ANKS1B: variants seen among roughly 807,000 people sequenced by gnomAD.
The protein encoded by ANKS1B is ankyrin repeat and sterile alpha motif domain-containing protein 1B.
In ANKS1B, 36 loss-of-function variants were observed where a neutral mutation model predicts 148.3. That is an observed-to-expected ratio of 0.24 (90% CI 0.19 to 0.32). The LOEUF is 0.32. Among genes scored for constraint, ANKS1B ranks in the 10% least tolerant of loss-of-function variants. The pLI, the probability that ANKS1B is intolerant of heterozygous loss-of-function variation, is 1.00. For missense variants in ANKS1B, 1,157 were observed against 1,542.6 expected (o/e 0.75, Z 4.19); for synonymous variants, 542 against 560.8 (o/e 0.97, Z 0.47).
chr12:99,079,444 GAAGTA>G (rs2048924227), intron 16 of ANKS1B, among the ~76,000 whole-genome samples: 1 of 152,146 alleles, frequency 6.6e-6, no homozygotes, highest in Admixed American at 6.5e-5. Context: ...GCAGAACTCA[GAAGTA>G]AAGGGCCACT....
At position 99,296,045 on chromosome 12, in the gene ANKS1B, C is replaced by CT. The variant is rs908085987; in HGVS notation, c.1757-49182dup. On this transcript the variant is annotated intron_variant, in intron 12 of 26. Coordinates refer to ENST00000683438, the MANE Select transcript of ANKS1B (RefSeq NM_001352186.2). The stretch of plus-strand genomic sequence containing the variant: ...TAAGGTATAGATGAGTGCTTTTATC[C>CT]TTTTTTTTGAAAACCATATCCAATT... Among the ~76,000 whole-genome samples, 16 of 151,730 alleles carry CT rather than the reference C, an allele frequency of 1.1e-4. No homozygotes were observed. The South Asian group carries it at 1.3e-3, about 12-fold the overall frequency.
chr12:98,895,081 T>C, intron 17 of ANKS1B: 6 of 970,138 alleles, frequency 6.2e-6, no homozygotes, highest in Non-Finnish European at 7.3e-6. Flanking sequence ...CTGCCCGGGG[T>C]GGGCGGCGAG....
At chr12:98,858,631 T>C (rs965355805) in intron 17 of ANKS1B, among the ~76,000 whole-genome samples, 1 of 152,176 alleles carries the variant, frequency 6.6e-6, no homozygotes, top group African/African-American at 2.4e-5. Context: ...TGAGCCACCA[T>C]GCCCAGTCTC....
intron 17 of ANKS1B, among the ~76,000 whole-genome samples, chr12:98,947,662 T>A (rs1467018968): frequency 2.0e-5 from 3 of 152,182 alleles, no homozygotes; most frequent in Non-Finnish European, 2.9e-5. Flanking sequence ...ACTTAAAATA[T>A]TTTCCTTGGC....
intron 12 of ANKS1B, among the ~76,000 whole-genome samples, chr12:99,317,755 G>T (rs555578469): frequency 2.6e-5 from 4 of 152,308 alleles, no homozygotes; most frequent in Middle Eastern, 3.4e-3. Flanking sequence ...TTTTCAAAGG[G>T]AATGCTTCCA....
intron 9 of ANKS1B, among the ~76,000 whole-genome samples, chr12:99,638,645 G>A (rs941458362): frequency 6.6e-6 from 1 of 152,158 alleles, no homozygotes; most frequent in African/African-American, 2.4e-5. Flanking sequence ...CCCATTTTCT[G>A]GGGAGAAATC....
At chr12:99,704,842 A>G (rs1478625015) in intron 8 of ANKS1B, among the ~76,000 whole-genome samples, 2 of 152,126 alleles carry the variant, frequency 1.3e-5, no homozygotes, top group Non-Finnish European at 2.9e-5. Context: ...GTCAGATGAC[A>G]GATATGTATA....
intron 25 of ANKS1B, among the ~76,000 whole-genome samples, chr12:98,767,519 G>C (rs2098501191): frequency 6.6e-6 from 1 of 152,216 alleles, no homozygotes; most frequent in South Asian, 2.1e-4. Context: ...CAGGATTTGG[G>C]AGTTGCAAGT....
Position 99,520,546 on chromosome 12 carries a change from G to C in ANKS1B, c.1273-15905C>G, listed in dbSNP as rs574865865. ...GACTTTGATTATTAAATACCTTGAA[G>C]TAATCTTCTTTGGTTTAAATCTGCT... On this transcript the variant is annotated intron_variant, in intron 9 of 26. Coordinates refer to ENST00000683438, the MANE Select transcript of ANKS1B (RefSeq NM_001352186.2). Among the ~76,000 whole-genome samples the C allele has an allele frequency of 3.0e-3, 464 of 152,174 alleles. 3 individuals are homozygous for C. Among genetic ancestry groups the C allele is most frequent in the Non-Finnish European group, 4.6e-3 (314 of 68,014 alleles).
At chr12:99,793,237 C>G (rs1236945230) in intron 4 of ANKS1B, among the ~76,000 whole-genome samples, 1 of 151,938 alleles carries the variant, frequency 6.6e-6, no homozygotes, top group African/African-American at 2.4e-5. Flanking sequence ...TTGGAAGAAT[C>G]AATATTGTTA....
At chr12:99,801,568 G>A (rs1323361490) in intron 4 of ANKS1B, among the ~76,000 whole-genome samples, 6 of 152,062 alleles carry the variant, frequency 3.9e-5, no homozygotes, top group Non-Finnish European at 7.4e-5. Flanking sequence ...ATGGAGGAAA[G>A]AAATTGGATA....
intron 8 of ANKS1B, among the ~76,000 whole-genome samples, chr12:99,696,744 T>C (rs58968606): frequency 0.027 from 4,101 of 152,222 alleles, 209 homozygotes; most frequent in African/African-American, 0.093. Flanking sequence ...TAAACTTAAA[T>C]TGAAAAATTC....
chr12:99,953,954 T>C (rs971627915), intron 1 of ANKS1B, among the ~76,000 whole-genome samples: 2 of 150,952 alleles, frequency 1.3e-5, no homozygotes, highest in African/African-American at 4.9e-5. Context: ...CTGGTAAATG[T>C]AATAGGGGGT....
intron 12 of ANKS1B, among the ~76,000 whole-genome samples, chr12:99,333,570 C>T (rs2152289351): frequency 6.6e-6 from 1 of 152,128 alleles, no homozygotes; most frequent in East Asian, 1.9e-4. Context: ...GTTTGCAGGT[C>T]CCTGTCTCAG....
intron 17 of ANKS1B, among the ~76,000 whole-genome samples, chr12:98,984,209 A>C (rs553664947): frequency 6.6e-6 from 1 of 152,316 alleles, no homozygotes; most frequent in South Asian, 2.1e-4. Context: ...AAGATCTGTG[A>C]GAAACACCCT....
intron 1 of ANKS1B, among the ~76,000 whole-genome samples, chr12:99,909,248 G>A (rs1426348852): frequency 1.3e-5 from 2 of 151,322 alleles, no homozygotes; most frequent in Admixed American, 6.6e-5. Context: ...GTGTGTGTGT[G>A]TGTGTGTGTG....
intron 8 of ANKS1B, among the ~76,000 whole-genome samples, chr12:99,698,667 G>A (rs1177165632): frequency 1.3e-5 from 2 of 152,040 alleles, no homozygotes; most frequent in African/African-American, 4.8e-5. Flanking sequence ...TTTAAGCCTC[G>A]GGTTTATGAA....
chr12:99,649,385 C>A (rs767538211), intron 9 of ANKS1B: 3 of 1,613,372 alleles, frequency 1.9e-6, no homozygotes, highest in South Asian at 1.1e-5. Context: ...TGTGATTATA[C>A]AATAGAGATA....
chr12:99,012,268 G>C (rs1051102413), intron 17 of ANKS1B, among the ~76,000 whole-genome samples: 15 of 152,166 alleles, frequency 9.9e-5, no homozygotes, highest in African/African-American at 3.6e-4. Flanking sequence ...GCAATAAATA[G>C]ACATGAGGAA....
Sources: allele counts gnomAD v4.1 joint callset (sites outside exome capture counted in the v4.1 genomes callset), GRCh38; gene constraint gnomAD v4.1.1; transcripts MANE v1.5; gene names NCBI Gene and HGNC (gene_info 2026-07-23, HGNC 2026-07-21).